EPM2A: variants seen among roughly 807,000 people sequenced by gnomAD.
EPM2A encodes the protein EPM2A glucan phosphatase, laforin.
In EPM2A, 21 loss-of-function variants were observed where a neutral mutation model predicts 26.5. The observed-to-expected ratio is 0.79, with a 90% CI of 0.56 to 1.14. The LOEUF (loss-of-function observed/expected upper bound fraction) is 1.14. EPM2A is among the 50% of genes most tolerant of loss of function. The pLI is 0.00. For missense variants in EPM2A, 458 were observed against 440.8 expected (o/e 1.04, Z -0.35); for synonymous variants, 217 against 177.6 (o/e 1.22, Z -1.76).
intron 2 of EPM2A, among the ~76,000 whole-genome samples, chr6:145,534,239 CG>C (rs35012200): frequency 0.017 from 2,644 of 152,218 alleles, 25 homozygotes; most frequent in Admixed American, 0.024. Context: ...GGTACTTCAG[CG>C]TACTTCACCT....
At chr6:145,636,603 A>T (rs1776702035) in intron 2 of EPM2A, 1 of 152,204 alleles carries the variant, frequency 6.6e-6, no homozygotes, top group Non-Finnish European at 1.5e-5. Flanking sequence ...AACAATGTTG[A>T]CAACAACAGC....
At chr6:145,566,407 C>G (rs775455452) in intron 2 of EPM2A, among the ~76,000 whole-genome samples, 1 of 152,142 alleles carries the variant, frequency 6.6e-6, no homozygotes, top group Non-Finnish European at 1.5e-5. Flanking sequence ...TTCAGATATG[C>G]TATGTTTGCA....
intron 2 of EPM2A, among the ~76,000 whole-genome samples, chr6:145,555,771 C>T (rs1780720696): frequency 6.6e-6 from 1 of 152,032 alleles, no homozygotes; most frequent in African/African-American, 2.4e-5. Flanking sequence ...GCCAGTAGCC[C>T]AATCTGTTCC....
intron 2 of EPM2A, among the ~76,000 whole-genome samples, chr6:145,652,907 C>A (rs857879): frequency 0.53 from 80,886 of 151,832 alleles, 22,183 homozygotes; most frequent in East Asian, 0.67. Flanking sequence ...TACCTCTTTG[C>A]ATGTTAATTT....
At chr6:145,665,943 A>G (rs1005004579) in intron 2 of EPM2A, among the ~76,000 whole-genome samples, 2 of 150,514 alleles carry the variant, frequency 1.3e-5, no homozygotes, top group African/African-American at 4.9e-5. Context: ...ATGCAGAAAA[A>G]GCCTTTGACA....
rs772657208 is a variant in EPM2A at position 145,384,494 on chromosome 6, A to T, written c.556-397T>A. On this transcript the variant is annotated intron_variant, in intron 4 of 4. Transcript: ENST00000638717. ...CAATAAAGGCATAAGCTAACTTCAC[A>T]GTAGGCTCTAAACTGGATCAGCCTG... Among the ~76,000 whole-genome samples, 4 of 147,862 alleles carry T rather than the reference A, an allele frequency of 2.7e-5. 1 individual carries two copies. The highest frequency in any genetic ancestry group is 6.0e-5 in the Non-Finnish European group (4 of 66,938).
chr6:145,517,448 T>A (rs1019651380), intron 2 of EPM2A, among the ~76,000 whole-genome samples: 1 of 152,160 alleles, frequency 6.6e-6, no homozygotes, highest in African/African-American at 2.4e-5. Flanking sequence ...GGTAGCCCCA[T>A]GCTTGGGGGC....
intron 2 of EPM2A, among the ~76,000 whole-genome samples, chr6:145,597,475 T>A (rs566397497): frequency 0.063 from 8,897 of 141,776 alleles, 759 homozygotes; most frequent in African/African-American, 0.2. Context: ...TTATTTTTTT[T>A]TCTTTTTTTT....
chr6:145,433,927 G>T (rs1778953137), intron 4 of EPM2A, among the ~76,000 whole-genome samples: 1 of 152,076 alleles, frequency 6.6e-6, no homozygotes, highest in African/African-American at 2.4e-5. Context: ...CCTTCTACTG[G>T]AAGGGCAGAA....
At chr6:145,436,856 C>G (rs1778995623) in intron 4 of EPM2A, among the ~76,000 whole-genome samples, 2 of 151,670 alleles carry the variant, frequency 1.3e-5, no homozygotes, top group Admixed American at 1.3e-4. Context: ...TATAAAGTTT[C>G]TATTTGTTTT....
At chr6:145,734,342 T>C (rs1333469037) in intron 1 of EPM2A, among the ~76,000 whole-genome samples, 1 of 152,038 alleles carries the variant, frequency 6.6e-6, no homozygotes, top group Non-Finnish European at 1.5e-5. Context: ...AGAATTACTA[T>C]ACAATTTTTG....
At chr6:145,640,996 T>C (rs1777045048) in intron 2 of EPM2A, 1 of 152,362 alleles carries the variant, frequency 6.6e-6, no homozygotes, top group Non-Finnish European at 1.5e-5. Context: ...TTATGAGTCA[T>C]ACACTATGTA....
rs1409124471 is a variant in EPM2A at position 145,667,049 on chromosome 6, A to C, written c.476+19073T>G. Among the ~76,000 whole-genome samples the C allele has an allele frequency of 3.9e-5, 5 of 129,626 alleles. No individual in the cohort carries two copies. In the East Asian group the frequency reaches 1.1e-3, roughly 28 times the overall value. The allele number at this position is 129,626 out of a possible 152,430, so 85.0% of individuals were successfully genotyped here. A position where few individuals can be genotyped will look rare whatever the true frequency, so the allele number is the denominator to read the frequency against. On this transcript the variant is annotated intron_variant, in intron 2 of 3. Transcript: ENST00000367519. ...TAAAGATTTAAATGTTAGACCTAAA[A>C]CCATAAAAACCCTAGAAGAAAACCT... is the stretch of plus-strand genomic sequence containing the variant.
At chr6:145,696,719 T>A (rs138533092) in intron 1 of EPM2A, among the ~76,000 whole-genome samples, 193 of 150,978 alleles carry the variant, frequency 1.3e-3, no homozygotes, top group African/African-American at 4.3e-3. Context: ...AAAGAAAATA[T>A]CAAATATGAT....
chr6:145,560,708 A>C (rs2114813959), intron 2 of EPM2A, among the ~76,000 whole-genome samples: 1 of 152,258 alleles, frequency 6.6e-6, no homozygotes, highest in Middle Eastern at 3.4e-3. Context: ...TAGTAATTTG[A>C]GTACTATGAG....
rs75917051 is a variant in EPM2A, at chr6:145,471,464, G to A, written c.555+31058C>T. On this transcript the variant is annotated intron_variant, in intron 4 of 4. Coordinates refer to the EPM2A transcript ENST00000638717. ...TGAGAATGAAAAATCAGGTGAGCAT[G>A]CATAGAACCTGGCTTTCACTTCATA... is the stretch of plus-strand genomic sequence containing the variant. 3.9e-3 allele frequency among the ~76,000 whole-genome samples: 600 copies of A among 152,230 alleles called. 3 individuals carry two copies. Among genetic ancestry groups the A allele is most frequent in the African/African-American group, 0.014 (567 of 41,534 alleles).
chr6:145,535,916 T>A (rs1344957295), intron 2 of EPM2A, among the ~76,000 whole-genome samples: 2 of 152,242 alleles, frequency 1.3e-5, no homozygotes, highest in African/African-American at 4.8e-5. Flanking sequence ...GAAGCCCTGC[T>A]TTGATGTGTT....
At chr6:145,682,327 A>T (rs894429567) in intron 2 of EPM2A, 1 of 152,144 alleles carries the variant, frequency 6.6e-6, no homozygotes, top group Non-Finnish European at 1.5e-5. Context: ...TCTCTCCTAC[A>T]ACACATGAGA....
At chr6:145,424,449 C>T (rs1436444228) in intron 4 of EPM2A, among the ~76,000 whole-genome samples, 1 of 152,072 alleles carries the variant, frequency 6.6e-6, no homozygotes, top group South Asian at 2.1e-4. Context: ...AAATAAGTAA[C>T]GAAGCTTATA....
Sources: gnomAD v4.1 joint callset for allele counts (sites outside exome capture counted in the v4.1 genomes callset) on GRCh38, gnomAD v4.1.1 for gene constraint, MANE v1.5 for transcripts, NCBI Gene and HGNC (gene_info 2026-07-23, HGNC 2026-07-21) for gene names.